The following SUGCT variants were observed in gnomAD, a reference collection of about 807,000 sequenced individuals.
SUGCT encodes succinyl-CoA:glutarate CoA-transferase.
SUGCT carries 41 observed loss-of-function variants against 55.0 expected under a neutral mutation model. The ratio of observed to expected loss-of-function variants is 0.74; its 90% CI spans 0.58 to 0.97. The LOEUF (loss-of-function observed/expected upper bound fraction) is 0.97. SUGCT is among the 50% of genes least tolerant of loss of function. SUGCT has a pLI of 0.00. For synonymous variants in SUGCT, 187 were observed against 200.4 expected, an observed-to-expected ratio of 0.93 and a Z score of 0.56; for missense variants, 568 against 547.8, an observed-to-expected ratio of 1.04 and a Z score of -0.37.
chr7:40,967,503 C>A, the SUGCT span, among the ~76,000 whole-genome samples: 1 of 152,244 alleles, frequency 6.6e-6, no homozygotes, highest in Admixed American at 6.5e-5. Context: ...GCTTCCCAAT[C>A]TCACACACCC....
At chr7:40,376,748 T>A (rs1209038563) in intron 9 of SUGCT, among the ~76,000 whole-genome samples, 1 of 144,168 alleles carries the variant, frequency 6.9e-6, no homozygotes, top group Non-Finnish European at 1.5e-5. Flanking sequence ...TAATCACTCT[T>A]TTTTTTTTTA....
chr7:40,865,637 TGGTTACAGAGGAAGTTCCATTAGG>T (rs1794564663), downstream of SUGCT, among the ~76,000 whole-genome samples: 2 of 152,164 alleles, frequency 1.3e-5, no homozygotes, highest in Non-Finnish European at 2.9e-5. Flanking sequence ...CTTGCTGTTG[TGGTTACAGAGGAAGTTCCATTAGG>T]GCAGGAGCAG....
chr7:40,681,788 A>G (rs535528991), intron 12 of SUGCT, among the ~76,000 whole-genome samples: 1 of 152,286 alleles, frequency 6.6e-6, no homozygotes, highest in South Asian at 2.1e-4. Context: ...GGTTCAGGAC[A>G]TGAAGCTTTG....
intron 9 of SUGCT, among the ~76,000 whole-genome samples, chr7:40,369,145 GT>G (rs1452222349): frequency 9.2e-4 from 139 of 151,812 alleles, no homozygotes; most frequent in Non-Finnish European, 1.6e-3. Context: ...GGGATTGAGT[GT>G]TTTTTTAATT....
intron 9 of SUGCT, among the ~76,000 whole-genome samples, chr7:40,376,380 A>ATTTT (rs1784544645): frequency 6.6e-6 from 1 of 151,468 alleles, no homozygotes; most frequent in Non-Finnish European, 1.5e-5. Context: ...TTTTTATCTA[A>ATTTT]TGTATCTTTT....
intron 9 of SUGCT, among the ~76,000 whole-genome samples, chr7:40,373,757 G>A (rs897875545): frequency 1.4e-4 from 21 of 152,084 alleles, no homozygotes; most frequent in Admixed American, 1.3e-3. Context: ...ATTTTGGACT[G>A]TACTTTCAGG....
At chr7:40,205,503 T>C (rs1786914869) in intron 6 of SUGCT, among the ~76,000 whole-genome samples, 1 of 151,092 alleles carries the variant, frequency 6.6e-6, no homozygotes, top group Non-Finnish European at 1.5e-5. Context: ...TAACCGGGCA[T>C]GGTGGTGCAT....
intron 9 of SUGCT, among the ~76,000 whole-genome samples, chr7:40,335,929 C>T (rs1022010788): frequency 2.6e-5 from 4 of 152,074 alleles, no homozygotes; most frequent in African/African-American, 9.7e-5. Context: ...CCCATCAATA[C>T]CTAATTTATT....
chr7:40,481,800 G>A (rs567153613), intron 11 of SUGCT, among the ~76,000 whole-genome samples: 49 of 152,178 alleles, frequency 3.2e-4, no homozygotes, highest in Non-Finnish European at 5.7e-4. Flanking sequence ...TAATGCATTT[G>A]ACACTTACTC....
intron 1 of SUGCT, among the ~76,000 whole-genome samples, chr7:40,165,914 A>G (rs1332290362): frequency 1.3e-5 from 2 of 152,158 alleles, no homozygotes; most frequent in Non-Finnish European, 2.9e-5. Context: ...AAGATCAGGA[A>G]TTAAAGACCA....
intron 6 of SUGCT, among the ~76,000 whole-genome samples, chr7:40,207,463 T>C (rs1562577086): frequency 6.6e-6 from 1 of 152,166 alleles, no homozygotes; most frequent in African/African-American, 2.4e-5. Flanking sequence ...TGTGCACTGT[T>C]GGTGGGAATG....
intron 6 of SUGCT, among the ~76,000 whole-genome samples, chr7:40,198,600 C>T (rs1562570607): frequency 6.6e-6 from 1 of 151,770 alleles, no homozygotes; most frequent in African/African-American, 2.4e-5. Context: ...GTGGCTCATG[C>T]CTGTAATCCC....
chr7:40,146,554 G>A (rs925602317), intron 1 of SUGCT, among the ~76,000 whole-genome samples: 2 of 152,246 alleles, frequency 1.3e-5, no homozygotes, highest in Non-Finnish European at 2.9e-5. Context: ...AAAGGGTTGT[G>A]CTGGAAATAA....
chr7:40,176,579 ATTCTTTTTGCCTTT>A (rs1784931706), intron 1 of SUGCT, among the ~76,000 whole-genome samples: 1 of 151,938 alleles, frequency 6.6e-6, no homozygotes, highest in African/African-American at 2.4e-5. Flanking sequence ...ACAAATTTCA[ATTCTTTTTGCCTTT>A]TTTTTCTGCC....
intron 12 of SUGCT, among the ~76,000 whole-genome samples, chr7:40,586,195 T>C (rs1797369336): frequency 6.6e-6 from 1 of 152,198 alleles, no homozygotes; most frequent in African/African-American, 2.4e-5. Context: ...TATAGAATTA[T>C]ATAGTTTTAA....
At chr7:40,679,478 T>C (rs774459237) in intron 12 of SUGCT, among the ~76,000 whole-genome samples, 1 of 152,194 alleles carries the variant, frequency 6.6e-6, no homozygotes, top group Non-Finnish European at 1.5e-5. Flanking sequence ...TCTCTCTGAC[T>C]AGGCAAGTTT....
At chr7:40,898,664 C>G in the SUGCT span, among the ~76,000 whole-genome samples, 4 of 151,716 alleles carry the variant, frequency 2.6e-5, no homozygotes, top group African/African-American at 7.3e-5. Context: ...GCGGACCTTG[C>G]AGTGAGCAGA....
At chr7:40,564,379 C>T (rs151110700) in intron 12 of SUGCT, among the ~76,000 whole-genome samples, 7 of 152,066 alleles carry the variant, frequency 4.6e-5, no homozygotes, top group Admixed American at 2.0e-4. Context: ...AGCGAGACTC[C>T]GTCTCAAAAA....
the SUGCT span, among the ~76,000 whole-genome samples, chr7:40,894,213 A>G: frequency 6.6e-6 from 1 of 152,222 alleles, no homozygotes; most frequent in African/African-American, 2.4e-5. Flanking sequence ...AAAGCTGACA[A>G]AAATAAGCAT....
Sources: gnomAD v4.1 joint callset for allele counts (sites outside exome capture counted in the v4.1 genomes callset) on GRCh38, gnomAD v4.1.1 for gene constraint, MANE v1.5 for transcripts, NCBI Gene and HGNC (gene_info 2026-07-23, HGNC 2026-07-21) for gene names.